DEPDC5: variants seen among roughly 807,000 people sequenced by gnomAD.
DEPDC5 encodes DEP domain containing 5, GATOR1 subcomplex subunit, also known as GATOR1 complex protein DEPDC5.
DEPDC5 carries 73 observed loss-of-function variants against 217.3 expected under a neutral mutation model. The observed-to-expected ratio is 0.34, with a 90% CI of 0.28 to 0.41. The LOEUF (loss-of-function observed/expected upper bound fraction) is 0.41, where lower values mean the gene tolerates loss of function less well. Ranked by LOEUF, DEPDC5 falls within the 10% of genes least tolerant of loss-of-function variation. The probability of loss-of-function intolerance (pLI) is 1.00; values close to 1 mark genes in which losing one functional copy is unlikely to be tolerated. For missense variants in DEPDC5, 1,675 were observed against 2,070.1 expected, an observed-to-expected ratio of 0.81 and a Z score of 3.70; for synonymous variants, 733 against 756.7, an observed-to-expected ratio of 0.97 and a Z score of 0.51.
chr22:31,834,362 G>T (rs11703232), intron 25 of DEPDC5: 23,153 of 225,598 alleles, frequency 0.1, 1,321 homozygotes, highest in Admixed American at 0.15. Flanking sequence ...ATATTTGGCT[G>T]AATTGCATTC....
At chr22:31,772,532 A>T (rs1373820962) in intron 7 of DEPDC5, among the ~76,000 whole-genome samples, 1 of 152,120 alleles carries the variant, frequency 6.6e-6, no homozygotes, top group East Asian at 1.9e-4. Context: ...TTCTTCTGTC[A>T]AGGACCAGTT....
chr22:31,906,175 TGCCACACAGGCG>T lies in DEPDC5; in HGVS notation c.4520-29_4520-18del. On this transcript the variant is annotated intron_variant, in intron 42 of 42. Transcript: ENST00000651528. This position sits in a 1 kb window ranked among gnomAD's most constrained non-coding sequence, Gnocchi z 5.1. ...AGGCTCCAGGAGCCCTCCTGGTGGC[TGCCACACAGGCG>T]CTCCCCTTTCTCTTCAGGAACAGTG... 6.2e-7 allele frequency: 1 copy of T among 1,612,820 alleles called. No individual in the cohort carries two copies. Among genetic ancestry groups the T allele is most frequent in the Non-Finnish European group, 8.5e-7 (1 of 1,179,140 alleles).
Position 31,768,884 on chromosome 22 carries a change from G to T in DEPDC5, c.413+21G>T, listed in dbSNP as rs199587061. ...ATCAGGTAGATATTACATCACTCTT[G>T]CCTTATCTGTGCAGTAACTGGGCTA... is the stretch of plus-strand genomic sequence containing the variant. On this transcript the variant is annotated intron_variant, in intron 7 of 42. Coordinates refer to ENST00000651528, the MANE Select transcript of DEPDC5 (RefSeq NM_001242896.3). The T allele has an allele frequency of 5.6e-4, 903 of 1,609,054 alleles. 1 individual carries two copies. The highest frequency in any genetic ancestry group is 7.0e-4 in the South Asian group (64 of 90,854).
At chr22:31,895,826 A>G (rs2093541142) in intron 39 of DEPDC5, among the ~76,000 whole-genome samples, 1 of 151,866 alleles carries the variant, frequency 6.6e-6, no homozygotes, top group African/African-American at 2.4e-5. Context: ...TCCCTTGGAA[A>G]GACTCTCATC....
At chr22:31,882,382 T>C (rs1283793618) in intron 38 of DEPDC5, among the ~76,000 whole-genome samples, 3 of 152,176 alleles carry the variant, frequency 2.0e-5, no homozygotes, top group Non-Finnish European at 4.4e-5. Flanking sequence ...AAAGACACAA[T>C]GCATTACAAT....
intron 24 of DEPDC5, 85 bp from the exon 25 acceptor site, chr22:31,833,830 C>A: frequency 9.0e-7 from 1 of 1,114,756 alleles, no homozygotes; most frequent in Non-Finnish European, 1.3e-6. Context: ...TTTTTAGCTC[C>A]AGTTTGCCTT....
chr22:31,788,441 A>ATT (rs570086659), intron 10 of DEPDC5, among the ~76,000 whole-genome samples: 106 of 137,098 alleles, frequency 7.7e-4, no homozygotes, highest in Non-Finnish European at 1.2e-3. Flanking sequence ...TGCCCGGGCA[A>ATT]TTTTTTTTTT....
intron 5 of DEPDC5, 67 bp from the exon 6 acceptor site, chr22:31,766,518 G>A (rs980200748): frequency 8.1e-6 from 12 of 1,481,998 alleles, no homozygotes; most frequent in East Asian, 2.3e-5. Context: ...TGGTAAGTGG[G>A]CATTACCTTC....
intron 7 of DEPDC5, 88 bp from the exon 8 acceptor site, chr22:31,778,011 G>C (rs2084051072): frequency 6.9e-7 from 1 of 1,455,154 alleles, no homozygotes; most frequent in Non-Finnish European, 9.6e-7. Context: ...GCTTCCCAAA[G>C]TGCTGGGATT....
chr22:31,886,224 G>C (rs539008000), intron 38 of DEPDC5, among the ~76,000 whole-genome samples: 1 of 152,000 alleles, frequency 6.6e-6, no homozygotes, highest in Non-Finnish European at 1.5e-5. Flanking sequence ...ATCTCTCTCT[G>C]TGTTGCCCAG....
rs763221303 is a variant in DEPDC5, at chr22:31,837,191, G to T, written c.2354+36G>T. ...GAGAAAAAGGCACTTGGCTTGGTTG[G>T]TGAGGGTTTCGGATATATCCCACAC... On this transcript the variant is annotated intron_variant, in intron 26 of 42. Transcript: ENST00000651528. 4.3e-6 allele frequency: 7 copies of T among 1,611,408 alleles called. No individual in the cohort carries two copies. The Admixed American group carries it at 1.0e-4, about 23-fold the overall frequency.
At chr22:31,879,241 A>G (rs1405910857) in intron 37 of DEPDC5, among the ~76,000 whole-genome samples, 1 of 151,700 alleles carries the variant, frequency 6.6e-6, no homozygotes, top group Non-Finnish European at 1.5e-5. Context: ...TATCATGTCC[A>G]TCTAGTTCCT....
Position 31,846,944 on chromosome 22 carries a change from G to A in DEPDC5, c.3132G>A (p.Leu1044=), listed in dbSNP as rs1292130485. 1 of 1,614,258 alleles carries A rather than the reference G, an allele frequency of 6.2e-7. No homozygotes were observed. The highest frequency in any genetic ancestry group is 1.7e-5 in the Admixed American group (1 of 60,032). The change falls in exon 31 of 43, where the codon CTG becomes CTA. Residue 1044 remains leucine (L), a synonymous_variant. Transcript: ENST00000651528. ...AGGGAACCTCAGCTCTCTCTGCCCTGTTGGAGATGGAGGCCAGTCAGAAGT... is the reference window on the plus strand; with the variant it reads ...AGGGAACCTCAGCTCTCTCTGCCCTATTGGAGATGGAGGCCAGTCAGAAGT... ...GKKGTSALSA[L]LEMEASQKCL...
At chr22:31,775,434 TC>T (rs1359564822) in intron 7 of DEPDC5, among the ~76,000 whole-genome samples, 2 of 152,110 alleles carry the variant, frequency 1.3e-5, no homozygotes, top group East Asian at 3.9e-4. Context: ...CACCTCGGCC[TC>T]CCAAAGTGTT....
intron 24 of DEPDC5, among the ~76,000 whole-genome samples, chr22:31,829,121 G>A (rs1224550362): frequency 6.6e-6 from 1 of 152,218 alleles, no homozygotes; most frequent in Non-Finnish European, 1.5e-5. Context: ...GTCCCACAGA[G>A]CGGTTGTCTG....
chr22:31,861,514 T>C, intron 33 of DEPDC5, 81 bp downstream of exon 33: 1 of 1,445,380 alleles, frequency 6.9e-7, no homozygotes. Context: ...TCTGAACACA[T>C]GGAATTGGGC....
At chr22:31,899,206 G>A (rs563897632) in intron 40 of DEPDC5, among the ~76,000 whole-genome samples, 5 of 152,200 alleles carry the variant, frequency 3.3e-5, no homozygotes, top group Non-Finnish European at 5.9e-5. Flanking sequence ...GCTGCAGAAA[G>A]GGTCCCAGTT....
chr22:31,805,139 T>TA (rs2087354953), intron 17 of DEPDC5: 1 of 362,432 alleles, frequency 2.8e-6, no homozygotes, highest in African/African-American at 2.1e-5. Context: ...TTGAAGGACT[T>TA]ACTTCCTCTG....
intron 12 of DEPDC5, among the ~76,000 whole-genome samples, 184 bp from the exon 13 acceptor site, chr22:31,797,416 C>G (rs773722177): frequency 2.6e-5 from 4 of 152,066 alleles, no homozygotes; most frequent in South Asian, 4.1e-4. Context: ...CATCAGATAT[C>G]GTGAGAACTC....
Sources: allele counts gnomAD v4.1 joint callset (sites outside exome capture counted in the v4.1 genomes callset), GRCh38; gene constraint gnomAD v4.1.1; non-coding constraint Gnocchi (gnomAD v3.1); transcripts MANE v1.5; gene names NCBI Gene and HGNC (gene_info 2026-07-23, HGNC 2026-07-21).